Variants in MARCHF2 observed in about 807,000 individuals in gnomAD.
MARCHF2 encodes the protein membrane associated ring-CH-type finger 2, also known as E3 ubiquitin-protein ligase MARCHF2.
Under a neutral mutation model 24.0 loss-of-function variants are expected in MARCHF2, and 22 were observed. The ratio of observed to expected loss-of-function variants is 0.92; its 90% CI spans 0.66 to 1.31. The LOEUF (loss-of-function observed/expected upper bound fraction) is 1.31, where lower values mean the gene tolerates loss of function less well. Among genes scored for constraint, MARCHF2 ranks in the 50% most tolerant of loss-of-function variants. MARCHF2 has a pLI of 0.00. For missense variants in MARCHF2, 301 were observed against 335.3 expected (o/e 0.90, Z 0.80); for synonymous variants, 154 against 153.0 (o/e 1.01, Z -0.05).
Position 8,430,738 on chromosome 19 carries a change from GGCC to G in MARCHF2, c.457_459del (p.Ala153del). 6.2e-7 allele frequency: 1 copy of G among 1,611,502 alleles called. No individual in the cohort carries two copies. Among genetic ancestry groups the G allele is most frequent in the Non-Finnish European group, 8.5e-7 (1 of 1,179,992 alleles). On this transcript the variant is annotated inframe_deletion, in exon 4 of 5. Coordinates refer to ENST00000215555, the MANE Select transcript of MARCHF2 (RefSeq NM_001005415.2). This position sits in a 1 kb window ranked among gnomAD's most constrained non-coding sequence, Gnocchi z 4.4. Reference sequence around the variant, plus strand: ...TGTGTTTCCTGTTCATCACACCGCTGGCCGCCATCTCAGGCTGGTTGTGCCTGC... The same window carrying G: ...TGTGTTTCCTGTTCATCACACCGCTGGCCATCTCAGGCTGGTTGTGCCTGC...
chr19:8,438,970 T>C lies in MARCHF2; in HGVS notation c.*424T>C. On this transcript the variant is annotated 3_prime_UTR_variant, in exon 5 of 5. Coordinates refer to ENST00000215555, the MANE Select transcript of MARCHF2 (RefSeq NM_001005415.2). Reference sequence around the variant, plus strand: ...CTTTATATAAAAGTTGCACTGCGTTTCAAAAACCCACCCCTGAATGAATAA... The same window carrying C: ...CTTTATATAAAAGTTGCACTGCGTTCCAAAAACCCACCCCTGAATGAATAA... The C allele has an allele frequency of 7.0e-6, 1 of 143,330 alleles. No individual in the cohort carries two copies. The highest frequency in any genetic ancestry group is 2.4e-4 in the South Asian group (1 of 4,160). The allele number at this position is 143,330 out of a possible 1,614,324, so 8.9% of individuals were successfully genotyped here. A position where few individuals can be genotyped will look rare whatever the true frequency, so the allele number is the denominator to read the frequency against.
chr19:8,414,803 TCCTTCTCAGGAGA>T (rs1317519599), intron 1 of MARCHF2, among the ~76,000 whole-genome samples: 4 of 152,044 alleles, frequency 2.6e-5, no homozygotes, highest in African/African-American at 9.7e-5. Context: ...GCCTGGAGGC[TCCTTCTCAGGAGA>T]CCCCTCCACG....
intron 2 of MARCHF2, among the ~76,000 whole-genome samples, chr19:8,424,603 C>G (rs1473465751): frequency 6.6e-6 from 1 of 151,544 alleles, no homozygotes; most frequent in Non-Finnish European, 1.5e-5. Context: ...GGAGGTCGAG[C>G]TTGCAGTGAG....
At chr19:8,418,738 C>G (rs187262709) in intron 1 of MARCHF2, 93 of 152,110 alleles carry the variant, frequency 6.1e-4, no homozygotes, top group African/African-American at 2.2e-3. Flanking sequence ...CTATGTTGCC[C>G]TAGCTCGTCT....
At position 8,430,246 on chromosome 19, in the gene MARCHF2, C is replaced by G. The variant is rs1967541386; in HGVS notation, c.373-412C>G. Among the ~76,000 whole-genome samples, 1 of 152,082 alleles carries G rather than the reference C, an allele frequency of 6.6e-6. No individual in the cohort carries two copies. Among genetic ancestry groups the G allele is most frequent in the Admixed American group, 6.6e-5 (1 of 15,248 alleles). On this transcript the variant is annotated intron_variant, in intron 3 of 4. Transcript: ENST00000215555. The surrounding 1 kb of genome is among the most constrained non-coding windows in gnomAD (Gnocchi z 4.4). ...GGCATGGTGGCGCTTGCCTATAATC[C>G]CAGCTACTCGGGAGGCTGAGGTGGG...
At chr19:8,431,829 ACT>A (rs943472925) in intron 4 of MARCHF2, among the ~76,000 whole-genome samples, 3 of 149,142 alleles carry the variant, frequency 2.0e-5, no homozygotes, top group Non-Finnish European at 4.5e-5. Flanking sequence ...CAAGAGCAAA[ACT>A]CTGTCTCAAT....
At chr19:8,416,806 A>G (rs992770569) in intron 1 of MARCHF2, among the ~76,000 whole-genome samples, 2 of 152,030 alleles carry the variant, frequency 1.3e-5, no homozygotes, top group African/African-American at 4.8e-5. Flanking sequence ...GGCTCAAGCG[A>G]TCCTCCCACC....
chr19:8,421,855 C>A lies in MARCHF2; in HGVS notation c.15C>A (p.Asp5Glu). Residue 5 changes from aspartate (D) to glutamate (E), a missense_variant, in exon 2 of 5, where the codon GAC (aspartate) becomes GAA (glutamate). Coordinates refer to ENST00000215555, the MANE Select transcript of MARCHF2 (RefSeq NM_001005415.2). MTTG[D>E]CCHLPGSLCD... Reference sequence around the variant, plus strand: ...TCCCGGTGGCCATGACGACGGGTGACTGCTGCCACCTCCCCGGCTCCCTGT... The same window carrying A: ...TCCCGGTGGCCATGACGACGGGTGAATGCTGCCACCTCCCCGGCTCCCTGT... The A allele has an allele frequency of 6.2e-7, 1 of 1,609,944 alleles. No individual in the cohort carries two copies. Among genetic ancestry groups the A allele is most frequent in the Non-Finnish European group, 8.5e-7 (1 of 1,178,028 alleles).
chr19:8,434,314 A>G (rs530971913), intron 4 of MARCHF2, among the ~76,000 whole-genome samples: 8 of 151,734 alleles, frequency 5.3e-5, no homozygotes, highest in African/African-American at 1.9e-4. Flanking sequence ...CGAACTCTTG[A>G]CCTCAGGTAT....
At chr19:8,429,794 A>G (rs1967526606) in intron 3 of MARCHF2, among the ~76,000 whole-genome samples, 1 of 120,352 alleles carries the variant, frequency 8.3e-6, no homozygotes, top group Non-Finnish European at 1.7e-5. Context: ...GTGAACCACC[A>G]CACCAGGGCT....
chr19:8,433,450 G>A lies in MARCHF2; in HGVS notation c.582+2583G>A, dbSNP rs111613742. Among the ~76,000 whole-genome samples the A allele has an allele frequency of 7.3e-3, 1,113 of 151,798 alleles. 15 individuals carry two copies. Among genetic ancestry groups the A allele is most frequent in the African/African-American group, 0.025 (1,052 of 41,416 alleles). ...TTCCAGCACTTTGGGAGGCTGAGGC[G>A]GGTGGATCACGAGGTCAGGAGTTCA... On this transcript the variant is annotated intron_variant, in intron 4 of 4. Coordinates refer to ENST00000215555, the MANE Select transcript of MARCHF2 (RefSeq NM_001005415.2).
rs71175854 is a variant in MARCHF2, at chr19:8,426,230, CAAAAAAAAAA to C, written c.177-365_177-356del. Among the ~76,000 whole-genome samples the C allele has an allele frequency of 1.4e-4, 6 of 43,296 alleles. No homozygotes were observed. In the Admixed American group the frequency reaches 1.7e-3, roughly 12 times the overall value. 28.4% of individuals were successfully genotyped at this position (43,296 alleles called of 152,430 possible). ...TGGGTGACAGAGCGAGACTCTGTCT[CAAAAAAAAAA>C]AAAAAAAAAAAAAGAGTTGAGGGTG... On this transcript the variant is annotated intron_variant, in intron 2 of 4. Coordinates refer to ENST00000215555, the MANE Select transcript of MARCHF2 (RefSeq NM_001005415.2).
At chr19:8,418,586 G>T (rs913523354) in intron 1 of MARCHF2, 2 of 152,538 alleles carry the variant, frequency 1.3e-5, no homozygotes, top group East Asian at 3.9e-4. Flanking sequence ...GTGCAGTGGT[G>T]TGATCATAGC....
intron 4 of MARCHF2, among the ~76,000 whole-genome samples, chr19:8,433,092 G>T (rs1019612331): frequency 6.6e-6 from 1 of 151,956 alleles, no homozygotes; most frequent in Non-Finnish European, 1.5e-5. Context: ...GGTGGTGCGT[G>T]CCTGCAGTCT....
At chr19:8,428,281 A>G (rs1215558137) in intron 3 of MARCHF2, among the ~76,000 whole-genome samples, 1 of 147,242 alleles carries the variant, frequency 6.8e-6, no homozygotes, top group African/African-American at 2.5e-5. Context: ...TTAGCCAGGT[A>G]TGGTGGTGGG....
At chr19:8,415,823 C>G (rs911500244) in intron 1 of MARCHF2, among the ~76,000 whole-genome samples, 2 of 151,434 alleles carry the variant, frequency 1.3e-5, no homozygotes, top group African/African-American at 4.8e-5. Flanking sequence ...GCCATCAGAT[C>G]ACTCTCCCAT....
At chr19:8,428,695 C>T (rs905402889) in intron 3 of MARCHF2, among the ~76,000 whole-genome samples, 16 of 123,280 alleles carry the variant, frequency 1.3e-4, no homozygotes, top group African/African-American at 1.9e-4. Flanking sequence ...CAAGGCTGGA[C>T]GTGGTGGCTC....
At chr19:8,425,492 C>A (rs1041048532) in intron 2 of MARCHF2, among the ~76,000 whole-genome samples, 1 of 152,068 alleles carries the variant, frequency 6.6e-6, no homozygotes, top group African/African-American at 2.4e-5. Flanking sequence ...GTGATCCTCC[C>A]GCTTCAGCCT....
chr19:8,415,721 C>CAAAAAAAAAAAAAAAAAAAAAAAAAAAAA (rs1309501077), intron 1 of MARCHF2, among the ~76,000 whole-genome samples: 1 of 17,846 alleles, frequency 5.6e-5, no homozygotes, highest in Non-Finnish European at 1.1e-4. Context: ...AACTCCATCT[C>CAAAAAAAAAAAAAAAAAAAAAAAAAAAAA]AAAAAAAAAA....
Sources: allele counts gnomAD v4.1 joint callset (sites outside exome capture counted in the v4.1 genomes callset), GRCh38; gene constraint gnomAD v4.1.1; non-coding constraint Gnocchi (gnomAD v3.1); transcripts MANE v1.5; gene names NCBI Gene and HGNC (gene_info 2026-07-23, HGNC 2026-07-21).